The following PARD3 variants were observed in gnomAD, a reference collection of about 807,000 sequenced individuals.
PARD3 encodes the protein partitioning defective 3 homolog.
PARD3 carries 75 observed loss-of-function variants against 155.4 expected under a neutral mutation model. The ratio of observed to expected loss-of-function variants is 0.48; its 90% CI spans 0.40 to 0.58. The LOEUF (loss-of-function observed/expected upper bound fraction) is 0.58, where lower values mean the gene tolerates loss of function less well. Ranked by LOEUF, PARD3 falls within the 20% of genes least tolerant of loss-of-function variation. The pLI, the probability that PARD3 is intolerant of heterozygous loss-of-function variation, is 0.00. For synonymous variants in PARD3, 576 were observed against 610.5 expected (o/e 0.94, Z 0.83); for missense variants, 1,642 against 1,721.7 (o/e 0.95, Z 0.82).
intron 22 of PARD3, among the ~76,000 whole-genome samples, chr10:34,171,950 C>CAAAAAAAAAAAAAAA (rs71033303): frequency 2.1e-5 from 1 of 47,248 alleles, no homozygotes; most frequent in Admixed American, 3.4e-4. Flanking sequence ...GACTCCATCT[C>CAAAAAAAAAAAAAAA]AAAAAAAAAA....
At chr10:34,500,295 T>C (rs2080596846) in intron 3 of PARD3, among the ~76,000 whole-genome samples, 1 of 152,196 alleles carries the variant, frequency 6.6e-6, no homozygotes, top group Non-Finnish European at 1.5e-5. Flanking sequence ...TCTAAAAGAT[T>C]AGTAAATGCC....
At chr10:34,723,697 A>G (rs747118120) in intron 1 of PARD3, among the ~76,000 whole-genome samples, 2 of 152,246 alleles carry the variant, frequency 1.3e-5, no homozygotes, top group African/African-American at 2.4e-5. Context: ...GCCTAGGGAA[A>G]AAGCTCAATC....
intron 22 of PARD3, among the ~76,000 whole-genome samples, chr10:34,243,464 G>A (rs1953738290): frequency 6.6e-6 from 1 of 152,146 alleles, no homozygotes; most frequent in South Asian, 2.1e-4. Context: ...ATTTTATGAT[G>A]TGCTAAAACG....
At chr10:34,560,562 A>C (rs1308418554) in intron 2 of PARD3, among the ~76,000 whole-genome samples, 1 of 152,258 alleles carries the variant, frequency 6.6e-6, no homozygotes, top group Non-Finnish European at 1.5e-5. Context: ...ATGCATTTTC[A>C]CAATTATTTT....
intron 14 of PARD3, among the ~76,000 whole-genome samples, chr10:34,355,938 A>G (rs868459158): frequency 7.5e-6 from 1 of 132,560 alleles, no homozygotes; most frequent in Admixed American, 7.0e-5. Context: ...AAAAAAAAAA[A>G]AAAAAAAACA....
At chr10:34,516,105 C>T (rs567623843) in intron 3 of PARD3, among the ~76,000 whole-genome samples, 3 of 152,144 alleles carry the variant, frequency 2.0e-5, no homozygotes, top group South Asian at 2.1e-4. Flanking sequence ...GCTGGGATTA[C>T]AGGCAACCGC....
chr10:34,438,554 C>G (rs1235151071), intron 5 of PARD3, among the ~76,000 whole-genome samples: 2 of 151,972 alleles, frequency 1.3e-5, no homozygotes, highest in Admixed American at 1.3e-4. Flanking sequence ...AAGATCCACC[C>G]ATAATACATG....
Position 34,604,651 on chromosome 10 carries a change from G to C in PARD3, c.223-87492C>G, listed in dbSNP as rs963989006. 5.4e-5 allele frequency among the ~76,000 whole-genome samples: 8 copies of C among 148,132 alleles called. No homozygotes were observed. The East Asian group carries it at 1.6e-3, about 29-fold the overall frequency. On this transcript the variant is annotated intron_variant, in intron 2 of 24. Transcript: ENST00000374788. Reference sequence around the variant, plus strand: ...ATGTATATGATATATAAAATATATAGAGATCCTATTAGTTCTATATTACAT... The same window carrying C: ...ATGTATATGATATATAAAATATATACAGATCCTATTAGTTCTATATTACAT...
intron 22 of PARD3, among the ~76,000 whole-genome samples, chr10:34,211,062 C>T (rs1951722133): frequency 6.6e-6 from 1 of 152,164 alleles, no homozygotes; most frequent in Admixed American, 6.5e-5. Context: ...GAATCTACTT[C>T]ACCGGGTTGA....
chr10:34,524,013 T>G (rs1215146406), intron 2 of PARD3, among the ~76,000 whole-genome samples: 1 of 152,194 alleles, frequency 6.6e-6, no homozygotes, highest in African/African-American at 2.4e-5. Flanking sequence ...TCTCTTATTT[T>G]TTTTTAAGAT....
At chr10:34,440,711 T>C (rs1441641543) in intron 5 of PARD3, among the ~76,000 whole-genome samples, 2 of 151,934 alleles carry the variant, frequency 1.3e-5, no homozygotes, top group Admixed American at 6.6e-5. Flanking sequence ...ATAAAGACAG[T>C]TGTAAAATTT....
chr10:34,404,718 A>G (rs184207654), intron 5 of PARD3, among the ~76,000 whole-genome samples: 3 of 152,170 alleles, frequency 2.0e-5, no homozygotes, highest in Non-Finnish European at 4.4e-5. Context: ...TCATTTGCCA[A>G]TTTTATAACC....
intron 23 of PARD3, among the ~76,000 whole-genome samples, chr10:34,122,194 G>A (rs1258856812): frequency 1.3e-5 from 2 of 152,212 alleles, no homozygotes; most frequent in Non-Finnish European, 2.9e-5. Context: ...TTCTGCAGCA[G>A]GATTTAGTAA....
At chr10:34,163,556 G>A (rs1201034273) in intron 22 of PARD3, among the ~76,000 whole-genome samples, 12 of 152,170 alleles carry the variant, frequency 7.9e-5, no homozygotes, top group South Asian at 2.1e-4. Context: ...CCTTTACAGC[G>A]GAACTGGGAA....
intron 1 of PARD3, among the ~76,000 whole-genome samples, chr10:34,737,958 TAGGCAAAGGCCCAGG>T (rs1327198319): frequency 6.6e-6 from 1 of 152,172 alleles, no homozygotes; most frequent in Non-Finnish European, 1.5e-5. Flanking sequence ...AAGGGCCCAT[TAGGCAAAGGCCCAGG>T]AGGAAGAAGG....
chr10:34,202,250 T>G (rs893182299), intron 22 of PARD3, among the ~76,000 whole-genome samples: 4 of 152,314 alleles, frequency 2.6e-5, no homozygotes, highest in Middle Eastern at 3.4e-3. Context: ...TTTTTAAATC[T>G]TTTATAAAGA....
At chr10:34,113,302 C>T (rs12764267) in intron 24 of PARD3, among the ~76,000 whole-genome samples, 1,738 of 152,232 alleles carry the variant, frequency 0.011, 26 homozygotes, top group Admixed American at 0.05. Context: ...GCATCATCCC[C>T]GGAAGACACA....
chr10:34,484,517 TTTG>T (rs774789433), intron 3 of PARD3, among the ~76,000 whole-genome samples: 11 of 152,146 alleles, frequency 7.2e-5, no homozygotes, highest in Non-Finnish European at 1.3e-4. Context: ...TAACATAGTT[TTTG>T]TTGTTGTTGT....
At chr10:34,353,058 C>A (rs1036221736) in intron 14 of PARD3, among the ~76,000 whole-genome samples, 9 of 151,032 alleles carry the variant, frequency 6.0e-5, no homozygotes, top group African/African-American at 2.2e-4. Context: ...GTGAGGAGCC[C>A]CTCCGCCCCG....
Sources: allele counts gnomAD v4.1 joint callset (sites outside exome capture counted in the v4.1 genomes callset), GRCh38; gene constraint gnomAD v4.1.1; transcripts MANE v1.5; gene names NCBI Gene and HGNC (gene_info 2026-07-23, HGNC 2026-07-21).